Variants in RNF145 observed in about 807,000 individuals in gnomAD.
The protein encoded by RNF145 is ring finger protein 145.
A neutral mutation model predicts 57.3 loss-of-function variants in RNF145; 12 were observed. The ratio of observed to expected loss-of-function variants is 0.21; its 90% CI spans 0.13 to 0.34. The LOEUF (loss-of-function observed/expected upper bound fraction) is 0.34. Among genes scored for constraint, RNF145 ranks in the 10% least tolerant of loss-of-function variants. The probability of loss-of-function intolerance (pLI) is 1.00; values close to 1 mark genes in which losing one functional copy is unlikely to be tolerated. For synonymous variants in RNF145, 262 were observed against 288.3 expected, an observed-to-expected ratio of 0.91 and a Z score of 0.92; for missense variants, 429 against 799.0, an observed-to-expected ratio of 0.54 and a Z score of 5.58.
At chr5:159,173,242 C>T (rs879149763) in intron 6 of RNF145, among the ~76,000 whole-genome samples, 4 of 151,504 alleles carry the variant, frequency 2.6e-5, no homozygotes, top group Non-Finnish European at 4.4e-5. Flanking sequence ...TTTTTTTTTG[C>T]AAGTTTTTTT....
intron 8 of RNF145, among the ~76,000 whole-genome samples, chr5:159,163,564 T>A (rs764922185): frequency 2.0e-5 from 3 of 152,168 alleles, no homozygotes; most frequent in Non-Finnish European, 4.4e-5. Context: ...CATCCTCACA[T>A]CTGTTGTGGT....
At chr5:159,186,985 A>G (rs1237812884) in intron 3 of RNF145, among the ~76,000 whole-genome samples, 1 of 151,326 alleles carries the variant, frequency 6.6e-6, no homozygotes, top group African/African-American at 2.4e-5. Context: ...TCCGTCTCAA[A>G]ACAAAAACAA....
chr5:159,175,891 A>G (rs1342571653), intron 5 of RNF145, among the ~76,000 whole-genome samples: 1 of 152,166 alleles, frequency 6.6e-6, no homozygotes, highest in African/African-American at 2.4e-5. Context: ...TTTTATACCA[A>G]TGTCAGGTTA....
intron 8 of RNF145, among the ~76,000 whole-genome samples, chr5:159,167,913 A>T (rs62378681): frequency 2.0e-5 from 3 of 152,196 alleles, no homozygotes. Flanking sequence ...TTTAGAAATC[A>T]GCTGATACAA....
rs554624259 is a variant in RNF145, at chr5:159,198,100, G to A, written c.185-3276C>T. Reference sequence around the variant, plus strand: ...ACAAAAAAATACAAAAAATTAGCCAGGTGTGGTGGCACACAACTGTGGTCC... The same window carrying A: ...ACAAAAAAATACAAAAAATTAGCCAAGTGTGGTGGCACACAACTGTGGTCC... On this transcript the variant is annotated intron_variant, in intron 2 of 10. Coordinates refer to ENST00000424310, the MANE Select transcript of RNF145 (RefSeq NM_001199383.2). 1.2e-4 allele frequency among the ~76,000 whole-genome samples: 19 copies of A among 152,134 alleles called. No homozygotes were observed. In the South Asian group the frequency reaches 3.3e-3, roughly 27 times the overall value.
rs1346076839 is a variant in RNF145, at chr5:159,208,051, A to T, written c.-40+1180T>A. On this transcript the variant is annotated intron_variant, in intron 1 of 10. Coordinates refer to ENST00000424310, the MANE Select transcript of RNF145 (RefSeq NM_001199383.2). ...CAGACTAGTTTCCTCTTTACTGCAGACTGCGACGCAAGGCCATCCACTAAT... is the reference window on the plus strand; with the variant it reads ...CAGACTAGTTTCCTCTTTACTGCAGTCTGCGACGCAAGGCCATCCACTAAT... 18 of 1,509,142 alleles carry T rather than the reference A, an allele frequency of 1.2e-5. No homozygotes were observed. In the African/African-American group the frequency reaches 2.1e-4, roughly 17 times the overall value. The allele number at this position is 1,509,142 out of a possible 1,614,324, so 93.5% of individuals were successfully genotyped here.
At chr5:159,205,832 C>G (rs1270979754) in intron 1 of RNF145, among the ~76,000 whole-genome samples, 1 of 152,070 alleles carries the variant, frequency 6.6e-6, no homozygotes, top group South Asian at 2.1e-4. Context: ...TGATTTGGAA[C>G]CTTTCTCTTT....
intron 2 of RNF145, among the ~76,000 whole-genome samples, chr5:159,202,545 T>C (rs974803934): frequency 6.6e-6 from 1 of 151,994 alleles, no homozygotes; most frequent in Non-Finnish European, 1.5e-5. Flanking sequence ...GGGAACGTTC[T>C]CAGGGCTAAG....
chr5:159,162,926 G>T lies in RNF145; in HGVS notation c.1269+6C>A. On this transcript the variant is annotated splice_donor_region_variant and intron_variant, in intron 9 of 10. Transcript: ENST00000424310. ...ATTATATAGAGTTAATTAATCATAG[G>T]CTTACCTGAAGAGAGGTAAGAATGC... is the stretch of plus-strand genomic sequence containing the variant. 6.3e-7 allele frequency: 1 copy of T among 1,591,934 alleles called. No individual in the cohort carries two copies. The highest frequency in any genetic ancestry group is 1.4e-5 in the African/African-American group (1 of 73,178).
chr5:159,172,259 G>C (rs970669233), intron 6 of RNF145, among the ~76,000 whole-genome samples: 3 of 152,162 alleles, frequency 2.0e-5, no homozygotes, highest in African/African-American at 7.2e-5. Flanking sequence ...GAGAGGCTGA[G>C]GTGGGTGGAT....
At chr5:159,183,470 T>C (rs1031027035) in intron 3 of RNF145, among the ~76,000 whole-genome samples, 2 of 152,062 alleles carry the variant, frequency 1.3e-5, no homozygotes, top group African/African-American at 2.4e-5. Context: ...CAATATTGAG[T>C]AACCCTGTTT....
intron 6 of RNF145, among the ~76,000 whole-genome samples, chr5:159,171,796 C>T (rs773507720): frequency 2.6e-5 from 4 of 151,836 alleles, no homozygotes; most frequent in Non-Finnish European, 4.4e-5. Flanking sequence ...CACACAAAAG[C>T]ATGGATAAGA....
intron 1 of RNF145, among the ~76,000 whole-genome samples, chr5:159,205,013 TA>T: frequency 6.6e-6 from 1 of 152,296 alleles, no homozygotes; most frequent in Admixed American, 6.5e-5. Context: ...GACAGATTGC[TA>T]TGCTATGGTT....
Position 159,158,783 on chromosome 5 carries a change from T to C in RNF145, c.1879A>G (p.Arg627Gly), listed in dbSNP as rs1245173547. 6.2e-7 allele frequency: 1 copy of C among 1,614,014 alleles called. No homozygotes were observed. Among genetic ancestry groups the C allele is most frequent in the Admixed American group, 1.7e-5 (1 of 60,026 alleles). ...TPGTRIQEGS[R>G]DNNEYIARRP... ...CTGGCAATGTACTCATTATTGTCCCTGGAACCTTCCTGTATCCTGGTCCCT... is the reference window on the plus strand; with the variant it reads ...CTGGCAATGTACTCATTATTGTCCCCGGAACCTTCCTGTATCCTGGTCCCT... Residue 627 changes from arginine (R) to glycine (G), a missense_variant, in exon 11 of 11, where the codon AGG (arginine) becomes GGG (glycine). Physicochemically the swap from Arg to Gly is moderately radical, Grantham distance 125. Transcript: ENST00000424310.
chr5:159,161,867 G>A (rs548722417), intron 9 of RNF145, among the ~76,000 whole-genome samples: 173 of 152,294 alleles, frequency 1.1e-3, no homozygotes, highest in South Asian at 5.6e-3. Flanking sequence ...CACACCGTCA[G>A]ACGTGACTTT....
chr5:159,194,686 T>A, intron 3 of RNF145, 30 bp downstream of exon 3: 1 of 1,305,262 alleles, frequency 7.7e-7, no homozygotes, highest in Non-Finnish European at 1.1e-6. Flanking sequence ...AATTCAATCA[T>A]ACATTTCAAA....
intron 6 of RNF145, among the ~76,000 whole-genome samples, chr5:159,173,321 T>C (rs1784614986): frequency 6.6e-6 from 1 of 152,148 alleles, no homozygotes; most frequent in African/African-American, 2.4e-5. Context: ...CTTCTTCCAA[T>C]GTGGCCCAGG....
intron 4 of RNF145, among the ~76,000 whole-genome samples, chr5:159,180,849 A>C (rs1350903272): frequency 6.6e-6 from 1 of 152,072 alleles, no homozygotes; most frequent in Non-Finnish European, 1.5e-5. Flanking sequence ...CTAACCAGCC[A>C]CATGTGGCTA....
rs775150911 is a variant in RNF145, at chr5:159,207,837, C to CA, written c.-40+1393dup. The CA allele has an allele frequency of 1.9e-6, 3 of 1,614,162 alleles. No individual in the cohort carries two copies. In the East Asian group the frequency reaches 6.7e-5, roughly 36 times the overall value. On this transcript the variant is annotated intron_variant, in intron 1 of 10. Transcript: ENST00000424310. ...AAAGACAGGGAGTCTACTCTGAATA[C>CA]AAAGGCCATCTTTCAACTTAAGGAA...
Sources: gnomAD v4.1 joint callset for allele counts (sites outside exome capture counted in the v4.1 genomes callset) on GRCh38, gnomAD v4.1.1 for gene constraint, MANE v1.5 for transcripts, NCBI Gene and HGNC (gene_info 2026-07-23, HGNC 2026-07-21) for gene names.